Variants in RFC3 observed in about 807,000 individuals in gnomAD.
RFC3 encodes the protein replication factor C subunit 3.
Under a neutral mutation model 45.1 loss-of-function variants are expected in RFC3, and 41 were observed. The observed-to-expected ratio is 0.91, with a 90% CI of 0.71 to 1.18. The LOEUF (loss-of-function observed/expected upper bound fraction) is 1.18. Among genes scored for constraint, RFC3 ranks in the 50% most tolerant of loss-of-function variants. The probability of loss-of-function intolerance (pLI) is 0.00; values close to 1 mark genes in which losing one functional copy is unlikely to be tolerated. For synonymous variants in RFC3, 149 were observed against 144.0 expected (o/e 1.03, Z -0.25); for missense variants, 423 against 428.1 (o/e 0.99, Z 0.10).
At chr13:33,835,663 C>T (rs908449174) in intron 8 of RFC3, among the ~76,000 whole-genome samples, 1 of 152,134 alleles carries the variant, frequency 6.6e-6, no homozygotes, top group Non-Finnish European at 1.5e-5. Context: ...GTTTTCCACA[C>T]TTTAGTATGG....
intron 8 of RFC3, among the ~76,000 whole-genome samples, chr13:33,919,048 T>A (rs2082750928): frequency 3.7e-5 from 1 of 27,216 alleles, no homozygotes; most frequent in Non-Finnish European, 9.5e-5. Context: ...TTCTTTATTC[T>A]ATAGAGTAAT....
chr13:33,847,768 A>C (rs1230869432), intron 8 of RFC3: 2 of 152,196 alleles, frequency 1.3e-5, no homozygotes, highest in Admixed American at 6.5e-5. Flanking sequence ...GGATGTATGT[A>C]TGTGTGCATC....
chr13:33,888,855 C>T (rs935560756), intron 8 of RFC3, among the ~76,000 whole-genome samples: 20 of 151,736 alleles, frequency 1.3e-4, no homozygotes, highest in African/African-American at 4.1e-4. Flanking sequence ...ACGCCATTCT[C>T]CTGTCTCAGC....
At chr13:33,848,756 C>T (rs1229548906) in intron 8 of RFC3, 1 of 151,626 alleles carries the variant, frequency 6.6e-6, no homozygotes, top group East Asian at 1.9e-4. Context: ...GAGATTTAAA[C>T]CAAAAGCATG....
In RFC3 at chr13:33,917,128, A is replaced by G. The variant is rs923996709; in HGVS notation, c.880-48959A>G. Reference sequence around the variant, plus strand: ...AATGCGAATAGATTGCAAGACATCCAGGATCCACATTTCCCCAGTAAAGGC... The same window carrying G: ...AATGCGAATAGATTGCAAGACATCCGGGATCCACATTTCCCCAGTAAAGGC... On this transcript the variant is annotated intron_variant, in intron 8 of 8. Coordinates refer to the RFC3 transcript ENST00000434425. Among the ~76,000 whole-genome samples, 8 of 152,160 alleles carry G rather than the reference A, an allele frequency of 5.3e-5. 1 individual carries two copies. The highest frequency in any genetic ancestry group is 1.4e-4 in the African/African-American group (6 of 41,456).
chr13:33,872,800 C>CCCG, intron 8 of RFC3, among the ~76,000 whole-genome samples: 1 of 140,804 alleles, frequency 7.1e-6, no homozygotes, highest in African/African-American at 2.6e-5. Context: ...AAACCCCCCC[C>CCCG]CCCAAAATAC....
chr13:33,929,922 T>C (rs2082841080), intron 8 of RFC3, among the ~76,000 whole-genome samples: 1 of 152,130 alleles, frequency 6.6e-6, no homozygotes, highest in South Asian at 2.1e-4. Flanking sequence ...GTCAGAAAGA[T>C]TAAGCATTTT....
At chr13:33,949,762 AT>A (rs1486176134) in intron 8 of RFC3, among the ~76,000 whole-genome samples, 7 of 152,170 alleles carry the variant, frequency 4.6e-5, no homozygotes, top group Non-Finnish European at 1.0e-4. Context: ...AATAAAGCAG[AT>A]TGTCTTCCCT....
At chr13:33,833,557 CAGT>C (rs2082123101) in intron 7 of RFC3, among the ~76,000 whole-genome samples, 1 of 151,996 alleles carries the variant, frequency 6.6e-6, no homozygotes. Flanking sequence ...TTTTGTAAAA[CAGT>C]AATGTTAGAA....
intron 8 of RFC3, chr13:33,847,852 G>C (rs189993534): frequency 3.3e-5 from 5 of 152,256 alleles, no homozygotes; most frequent in African/African-American, 1.2e-4. Context: ...GCCCTTTCTT[G>C]AATCTCCTTT....
chr13:33,857,608 G>A (rs149119447), intron 8 of RFC3, among the ~76,000 whole-genome samples: 1 of 121,376 alleles, frequency 8.2e-6, no homozygotes, highest in East Asian at 2.4e-4. Context: ...TAATATTTTT[G>A]CTTCATTTTC....
chr13:33,940,068 A>G (rs2082913517), intron 8 of RFC3, among the ~76,000 whole-genome samples: 1 of 152,066 alleles, frequency 6.6e-6, no homozygotes, highest in Non-Finnish European at 1.5e-5. Context: ...TTATTCCATT[A>G]ATTTTTATTC....
intron 8 of RFC3, among the ~76,000 whole-genome samples, chr13:33,864,660 G>A (rs776648358): frequency 4.6e-5 from 7 of 152,114 alleles, no homozygotes; most frequent in Non-Finnish European, 1.0e-4. Flanking sequence ...GAGATCACCA[G>A]TAGTCTCGAG....
chr13:33,954,918 C>A (rs1356610138), intron 8 of RFC3, among the ~76,000 whole-genome samples: 1 of 152,150 alleles, frequency 6.6e-6, no homozygotes, highest in African/African-American at 2.4e-5. Context: ...CTTACTGTTG[C>A]CTCTTTTCAA....
chr13:33,881,367 A>G lies in RFC3; in HGVS notation c.879+46150A>G, dbSNP rs115215790. Among the ~76,000 whole-genome samples the G allele has an allele frequency of 5.7e-3, 871 of 152,292 alleles. 5 individuals carry two copies. Among genetic ancestry groups the G allele is most frequent in the African/African-American group, 0.02 (826 of 41,564 alleles). Reference sequence around the variant, plus strand: ...CAAACATCATTGGCGCTCTAAGTCCATGGCATTGTTGTAGGCTCTGTGATG... The same window carrying G: ...CAAACATCATTGGCGCTCTAAGTCCGTGGCATTGTTGTAGGCTCTGTGATG... On this transcript the variant is annotated intron_variant, in intron 8 of 8. Transcript: ENST00000434425.
intron 6 of RFC3, 104 bp downstream of exon 6, chr13:33,830,959 TG>T: frequency 3.4e-6 from 3 of 881,682 alleles, no homozygotes; most frequent in Non-Finnish European, 3.5e-6. Flanking sequence ...TGGGCAGGGG[TG>T]GGGGATGGTT....
chr13:33,952,969 T>A (rs1007366087), intron 8 of RFC3, among the ~76,000 whole-genome samples: 1 of 152,210 alleles, frequency 6.6e-6, no homozygotes, highest in African/African-American at 2.4e-5. Context: ...ATATTTGAAA[T>A]CACAAATCTG....
At chr13:33,962,913 A>T (rs1033299852) in intron 8 of RFC3, among the ~76,000 whole-genome samples, 13 of 152,148 alleles carry the variant, frequency 8.5e-5, no homozygotes, top group Admixed American at 1.3e-4. Flanking sequence ...AGAGGAATAG[A>T]ATTTGTCTAA....
chr13:33,904,007 C>T (rs898524237), intron 8 of RFC3, among the ~76,000 whole-genome samples: 2 of 151,972 alleles, frequency 1.3e-5, no homozygotes, highest in African/African-American at 2.4e-5. Flanking sequence ...GTGTGCATGC[C>T]CACAAGGCTG....
Sources: allele counts gnomAD v4.1 joint callset (sites outside exome capture counted in the v4.1 genomes callset), GRCh38; gene constraint gnomAD v4.1.1; transcripts MANE v1.5; gene names NCBI Gene and HGNC (gene_info 2026-07-23, HGNC 2026-07-21).